DROSHA: variants seen among roughly 807,000 people sequenced by gnomAD.
DROSHA encodes ribonuclease 3.
In DROSHA, 56 loss-of-function variants were observed where a neutral mutation model predicts 181.9. The observed-to-expected ratio is 0.31, with a 90% CI of 0.25 to 0.38. The LOEUF is 0.38. Among genes scored for constraint, DROSHA ranks in the 10% least tolerant of loss-of-function variants. DROSHA has a pLI of 1.00. For synonymous variants in DROSHA, 524 were observed against 591.2 expected (o/e 0.89, Z 1.65); for missense variants, 1,218 against 1,743.5 (o/e 0.70, Z 5.37).
chr5:31,529,238 C>T, intron 3 of DROSHA, 133 bp from the exon 4 acceptor site: 2 of 723,904 alleles, frequency 2.8e-6, no homozygotes, highest in Middle Eastern at 3.2e-4. Context: ...AAATTAAAAG[C>T]ATGTTGAACT....
intron 20 of DROSHA, among the ~76,000 whole-genome samples, chr5:31,453,637 A>C (rs1001491017): frequency 6.6e-6 from 1 of 152,186 alleles, no homozygotes; most frequent in Admixed American, 6.5e-5. Context: ...CCTACACTTT[A>C]CTTCCTTGCT....
chr5:31,435,930 C>A, intron 24 of DROSHA, 66 bp from the exon 25 acceptor site: 1 of 1,471,552 alleles, frequency 6.8e-7, no homozygotes, highest in Non-Finnish European at 9.4e-7. Flanking sequence ...GGCTCTGAGT[C>A]ACAGAAACAG....
chr5:31,435,880 G>A lies in DROSHA; in HGVS notation c.2943-16C>T, dbSNP rs1186715767. 2.6e-6 allele frequency: 4 copies of A among 1,551,230 alleles called. No homozygotes were observed. The highest frequency in any genetic ancestry group is 3.5e-6 in the Non-Finnish European group (4 of 1,129,866). ...CAAATGGACGCTACAAAAAAAAAAA[G>A]AAGTACATGAATAAATATGCATCAC... On this transcript the variant is annotated splice_polypyrimidine_tract_variant and intron_variant, in intron 24 of 35. Coordinates refer to ENST00000344624, the MANE Select transcript of DROSHA (RefSeq NM_001382508.1).
At position 31,515,174 on chromosome 5, in the gene DROSHA, T is replaced by G. The variant is rs1461500398; in HGVS notation, c.1104A>C (p.Glu368Asp). ...TCTGGTTGTCACTCCAACGGTCTTT[T>G]TCTTCCTCCCAACGAGCTCTCTTCT... ...REKKRARWEEEKDRWSDNQSS... is the reference protein window; with the variant it reads ...REKKRARWEEDKDRWSDNQSS... Residue 368 changes from glutamate to aspartate, a missense_variant, in exon 8 of 36, where the codon GAA becomes GAC. Transcript: ENST00000344624. 1 of 1,613,956 alleles carries G rather than the reference T, an allele frequency of 6.2e-7. No individual in the cohort carries two copies. Among genetic ancestry groups the G allele is most frequent in the East Asian group, 2.2e-5 (1 of 44,882 alleles).
chr5:31,435,956 G>A, intron 24 of DROSHA, 92 bp from the exon 25 acceptor site: 1 of 1,073,362 alleles, frequency 9.3e-7, no homozygotes, highest in Non-Finnish European at 1.4e-6. Context: ...GCACACAGTA[G>A]CTGTGCAATG....
intron 16 of DROSHA, among the ~76,000 whole-genome samples, chr5:31,481,050 T>TA (rs10711753): frequency 4.0e-5 from 6 of 151,166 alleles, no homozygotes; most frequent in African/African-American, 1.5e-4. Context: ...GACAACTACG[T>TA]AAAAAAAACC....
Position 31,422,819 on chromosome 5 carries a change from T to C in DROSHA, c.3387A>G (p.Thr1129=), listed in dbSNP as rs780286427. The change falls in exon 29 of 36, where the codon ACA becomes ACG. Residue 1129 remains threonine (T), a synonymous_variant. Coordinates refer to ENST00000344624, the MANE Select transcript of DROSHA (RefSeq NM_001382508.1). The part of the protein sequence containing the change: ...THVRLLARAF[T]LRTVGFNHLT... Reference sequence around the variant, plus strand: ...GATGGTTAAATCCCACAGTTCTCAATGTGAATGCCCTTGCCAGAAGTCGAA... The same window carrying C: ...GATGGTTAAATCCCACAGTTCTCAACGTGAATGCCCTTGCCAGAAGTCGAA... 5 of 1,613,822 alleles carry C rather than the reference T, an allele frequency of 3.1e-6. No individual in the cohort carries two copies. Among genetic ancestry groups the C allele is most frequent in the African/African-American group, 1.3e-5 (1 of 75,048 alleles).
chr5:31,431,489 T>C, intron 26 of DROSHA, 87 bp downstream of exon 26: 1 of 1,354,176 alleles, frequency 7.4e-7, no homozygotes, highest in Non-Finnish European at 1.0e-6. Flanking sequence ...AGTAATTCTG[T>C]CCCAAGTTTC....
Position 31,483,605 on chromosome 5 carries a change from G to A in DROSHA, c.2020C>T (p.Pro674Ser), listed in dbSNP as rs1561231356. The stretch of plus-strand genomic sequence containing the variant: ...ATGAAATGAAATCTTGGGCAGCAGG[G>A]AGGGCTGTCTTCAAACAAAGGACCT... ...LKGPLFEDSP[P>S]CCPRFHFMPR... Residue 674 changes from proline to serine, a missense_variant, in exon 16 of 36, where the codon CCC (proline) becomes TCC (serine). By Grantham distance (74) the Pro-to-Ser change is moderately conservative (BLOSUM62 -1). This residue lies in a region of DROSHA where 460 missense variants were observed against 774.2 expected (regional missense o/e 0.59). Coordinates refer to ENST00000344624, the MANE Select transcript of DROSHA (RefSeq NM_001382508.1). 1.2e-6 allele frequency: 2 copies of A among 1,612,290 alleles called. No homozygotes were observed. The highest frequency in any genetic ancestry group is 1.7e-6 in the Non-Finnish European group (2 of 1,179,576).
chr5:31,504,682 A>C, intron 10 of DROSHA, 47 bp from the exon 11 acceptor site: 1 of 1,602,740 alleles, frequency 6.2e-7, no homozygotes, highest in African/African-American at 1.3e-5. Context: ...GGAAAAATCC[A>C]CACCATGCAC....
At chr5:31,435,447 TATTTC>T (rs1744674701) in intron 25 of DROSHA, among the ~76,000 whole-genome samples, 2 of 152,352 alleles carry the variant, frequency 1.3e-5, no homozygotes, top group South Asian at 4.1e-4. Flanking sequence ...AAAGACAGTA[TATTTC>T]ATTTCTTTTG....
chr5:31,484,828 A>G, intron 15 of DROSHA, 53 bp downstream of exon 15: 1 of 1,279,154 alleles, frequency 7.8e-7, no homozygotes, highest in African/African-American at 1.5e-5. Context: ...TTTCACATAT[A>G]CCATAATGTT....
chr5:31,417,882 A>G (rs1249365054), intron 30 of DROSHA, among the ~76,000 whole-genome samples: 2 of 152,144 alleles, frequency 1.3e-5, no homozygotes, highest in Non-Finnish European at 2.9e-5. Flanking sequence ...GGGCAGGGGC[A>G]TGAGTTGACA....
intron 10 of DROSHA, among the ~76,000 whole-genome samples, chr5:31,507,458 C>CAAAAAAAAAA (rs74582937): frequency 8.1e-6 from 1 of 122,816 alleles, no homozygotes; most frequent in Non-Finnish European, 1.6e-5. Flanking sequence ...AACTCTGTCT[C>CAAAAAAAAAA]AAAAAAAAAA....
chr5:31,458,971 A>C (rs1748027323), intron 20 of DROSHA, among the ~76,000 whole-genome samples: 1 of 152,210 alleles, frequency 6.6e-6, no homozygotes, highest in Non-Finnish European at 1.5e-5. Context: ...AAATGTTTGC[A>C]AGGGAAAAAA....
intron 10 of DROSHA, chr5:31,505,772 C>T (rs918111192): frequency 4.1e-4 from 63 of 152,232 alleles, no homozygotes; most frequent in African/African-American, 1.4e-3. Context: ...ACTGCTTCTT[C>T]ACTTGACTAG....
intron 10 of DROSHA, among the ~76,000 whole-genome samples, chr5:31,506,362 C>A (rs867755596): frequency 1.6e-3 from 201 of 123,914 alleles, no homozygotes; most frequent in East Asian, 1.9e-3. Context: ...GACCCCGTCT[C>A]AAAAAAAAAA....
At chr5:31,484,380 C>A (rs1186370057) in intron 15 of DROSHA, among the ~76,000 whole-genome samples, 48 of 82,976 alleles carry the variant, frequency 5.8e-4, no homozygotes, top group African/African-American at 1.7e-3. Context: ...GACTCCGTCT[C>A]AAAAAAAAAA....
chr5:31,437,065 C>A (rs1744931918), intron 24 of DROSHA, among the ~76,000 whole-genome samples, 174 bp downstream of exon 24: 1 of 152,152 alleles, frequency 6.6e-6, no homozygotes. Context: ...TCAGTGAGTG[C>A]CAGTTATCAG....
Sources: gnomAD v4.1 joint callset for allele counts (sites outside exome capture counted in the v4.1 genomes callset) on GRCh38, gnomAD v4.1.1 for gene constraint, gnomAD v4.1.1 regional missense constraint, MANE v1.5 for transcripts, NCBI Gene and HGNC (gene_info 2026-07-23, HGNC 2026-07-21) for gene names.